Variants in TRIO observed in about 807,000 individuals in gnomAD.
The protein encoded by TRIO is triple functional domain protein.
Under a neutral mutation model 351.9 loss-of-function variants are expected in TRIO, and 58 were observed. The ratio of observed to expected loss-of-function variants is 0.16; its 90% CI spans 0.13 to 0.21. TRIO has a LOEUF of 0.21. Among genes scored for constraint, TRIO ranks in the 10% least tolerant of loss-of-function variants. TRIO has a pLI of 1.00. For synonymous variants in TRIO, 1,758 were observed against 1,595.7 expected (o/e 1.10, Z -2.42); for missense variants, 3,201 against 4,027.8 (o/e 0.79, Z 5.56).
At chr5:14,463,587 A>T (rs1753993569) in intron 36 of TRIO, among the ~76,000 whole-genome samples, 1 of 151,816 alleles carries the variant, frequency 6.6e-6, no homozygotes, top group Non-Finnish European at 1.5e-5. Context: ...CAGAAAGGAA[A>T]CCTGCTCAGT....
At chr5:14,220,271 C>G (rs902773592) in intron 1 of TRIO, among the ~76,000 whole-genome samples, 5 of 152,068 alleles carry the variant, frequency 3.3e-5, no homozygotes, top group African/African-American at 1.2e-4. Flanking sequence ...GCAGTATGGA[C>G]CACACCTGTA....
chr5:14,395,791 A>G (rs1392847424), intron 28 of TRIO, among the ~76,000 whole-genome samples: 3 of 152,322 alleles, frequency 2.0e-5, no homozygotes, highest in African/African-American at 7.2e-5. Context: ...CTTGGCTGTA[A>G]TCCCAGCACT....
chr5:14,286,844 C>G lies in TRIO; in HGVS notation c.348-27C>G, dbSNP rs969807442. 6.2e-7 allele frequency: 1 copy of G among 1,602,844 alleles called. No homozygotes were observed. Among genetic ancestry groups the G allele is most frequent in the Non-Finnish European group, 8.5e-7 (1 of 1,174,306 alleles). ...CAGAGTGGCAAGAGATGTAACCCGT[C>G]TTCAGCCATGTTTTCTTTCTCTGCA... On this transcript the variant is annotated intron_variant, in intron 3 of 56. Coordinates refer to ENST00000344204, the MANE Select transcript of TRIO (RefSeq NM_007118.4). This position sits in a 1 kb window ranked among gnomAD's most constrained non-coding sequence, Gnocchi z 4.4.
At chr5:14,166,823 G>A (rs964762554) in intron 1 of TRIO, among the ~76,000 whole-genome samples, 1 of 152,128 alleles carries the variant, frequency 6.6e-6, no homozygotes, top group Non-Finnish European at 1.5e-5. Flanking sequence ...AAAGGGAGAC[G>A]GTAGATTCTT....
chr5:14,231,895 G>T, intron 1 of TRIO, among the ~76,000 whole-genome samples: 1 of 150,564 alleles, frequency 6.6e-6, no homozygotes, highest in African/African-American at 2.4e-5. Flanking sequence ...GCCATTTGAG[G>T]GGAATAAAAC....
intron 1 of TRIO, among the ~76,000 whole-genome samples, chr5:14,248,637 C>G (rs989746394): frequency 1.3e-5 from 2 of 152,186 alleles, no homozygotes; most frequent in African/African-American, 4.8e-5. Context: ...ACACAGGGCC[C>G]CCAAGTGCTG....
intron 1 of TRIO, among the ~76,000 whole-genome samples, chr5:14,192,901 T>C (rs1332798206): frequency 6.6e-6 from 1 of 152,256 alleles, no homozygotes; most frequent in Non-Finnish European, 1.5e-5. Context: ...ATAGTTTACT[T>C]TGAAGTTAAT....
intron 34 of TRIO, among the ~76,000 whole-genome samples, chr5:14,434,978 A>G (rs1467971460): frequency 6.6e-6 from 1 of 152,238 alleles, no homozygotes; most frequent in African/African-American, 2.4e-5. Context: ...CATGTTGGGC[A>G]AGAACAGCAC....
intron 11 of TRIO, among the ~76,000 whole-genome samples, chr5:14,348,883 C>A (rs185524313): frequency 6.0e-4 from 85 of 141,904 alleles, no homozygotes; most frequent in African/African-American, 2.2e-3. Flanking sequence ...TGCACATGAG[C>A]ATGTGTTTTT....
intron 3 of TRIO, among the ~76,000 whole-genome samples, chr5:14,285,989 G>A (rs1169686741): frequency 6.6e-6 from 1 of 152,128 alleles, no homozygotes; most frequent in Admixed American, 6.5e-5. Flanking sequence ...CTGTGTTTAA[G>A]GACACCTTAA....
chr5:14,190,983 AT>A (rs148997892), intron 1 of TRIO, among the ~76,000 whole-genome samples: 6,537 of 152,242 alleles, frequency 0.043, 483 homozygotes, highest in African/African-American at 0.15. Context: ...TGATATGTAT[AT>A]TATAATTAAT....
Position 14,462,898 on chromosome 5 carries a change from C to T in TRIO, c.5640C>T (p.Leu1880=), listed in dbSNP as rs1055755723. Residue 1880 remains leucine, a synonymous_variant, in exon 36 of 57, where the codon CTC becomes CTT. Coordinates refer to ENST00000344204, the MANE Select transcript of TRIO (RefSeq NM_007118.4). The part of the protein sequence containing the change: ...PPPMAIQQHS[L]LQPDSQDDKA... ...CCATGGCCATCCAGCAGCACAGCCT[C>T]CTCCAGCCAGACTCACAGGATGACA... 7 of 1,604,528 alleles carry T rather than the reference C, an allele frequency of 4.4e-6. No homozygotes were observed. The highest frequency in any genetic ancestry group is 1.7e-5 in the Admixed American group (1 of 58,566).
At chr5:14,329,035 TG>T (rs1581630696) in intron 9 of TRIO, among the ~76,000 whole-genome samples, 3 of 152,162 alleles carry the variant, frequency 2.0e-5, no homozygotes, top group Admixed American at 2.0e-4. Flanking sequence ...TGAAGGTCAG[TG>T]GTTTGGAGCA....
intron 46 of TRIO, among the ~76,000 whole-genome samples, chr5:14,484,187 T>C (rs1755749558): frequency 6.6e-6 from 1 of 152,220 alleles, no homozygotes; most frequent in Non-Finnish European, 1.5e-5. Context: ...TCCAGCACTG[T>C]AGGAATTTCG....
intron 2 of TRIO, 37 bp downstream of exon 2, chr5:14,270,936 C>T (rs1218170203): frequency 6.9e-7 from 1 of 1,452,136 alleles, no homozygotes; most frequent in Non-Finnish European, 9.6e-7. Flanking sequence ...TATCCAACTG[C>T]TCTGACACAA....
chr5:14,204,283 G>A (rs935253751), intron 1 of TRIO, among the ~76,000 whole-genome samples: 6 of 152,214 alleles, frequency 3.9e-5, no homozygotes, highest in African/African-American at 1.2e-4. Flanking sequence ...TGAGAGAGGA[G>A]TGGAGGGTGC....
rs146858353 is a variant in TRIO at position 14,221,271 on chromosome 5, A to G, written c.158-49554A>G. ...ACTGATGCTCATTGACAATACACCT[A>G]GTCACCCAAGAGCTCTTGTGTAGAT... is the stretch of plus-strand genomic sequence containing the variant. On this transcript the variant is annotated intron_variant, in intron 1 of 56. Coordinates refer to ENST00000344204, the MANE Select transcript of TRIO (RefSeq NM_007118.4). Among the ~76,000 whole-genome samples, 55 of 152,280 alleles carry G rather than the reference A, an allele frequency of 3.6e-4. No individual in the cohort carries two copies. The East Asian group carries it at 9.4e-3, about 26-fold the overall frequency.
Position 14,481,261 on chromosome 5 carries a change from A to T in TRIO, c.6364A>T (p.Ser2122Cys). ...CTTCCTCAAGTATTCCAAAAAGGCCAGCCTGGATACATCAGAATTAGAGGT... is the reference window on the plus strand; with the variant it reads ...CTTCCTCAAGTATTCCAAAAAGGCCTGCCTGGATACATCAGAATTAGAGGT... ...KDFLKYSKKA[S>C]LDTSELERAV... Residue 2122 changes from serine (S) to cysteine (C), a missense_variant, in exon 44 of 57, where the codon AGC becomes TGC. This residue lies in a region of TRIO where 307 missense variants were observed against 396.5 expected (regional missense o/e 0.77). Transcript: ENST00000344204. 3 of 1,614,108 alleles carry T rather than the reference A, an allele frequency of 1.9e-6. No individual in the cohort carries two copies. Among genetic ancestry groups the T allele is most frequent in the Non-Finnish European group, 2.5e-6 (3 of 1,180,008 alleles).
At chr5:14,157,010 A>G (rs1204283158) in intron 1 of TRIO, among the ~76,000 whole-genome samples, 1 of 152,222 alleles carries the variant, frequency 6.6e-6, no homozygotes, top group Non-Finnish European at 1.5e-5. Flanking sequence ...CTTCATCTCA[A>G]TGTACAAATT....
Sources: gnomAD v4.1 joint callset for allele counts (sites outside exome capture counted in the v4.1 genomes callset) on GRCh38, gnomAD v4.1.1 for gene constraint, gnomAD v4.1.1 regional missense constraint, Gnocchi (gnomAD v3.1) non-coding constraint, MANE v1.5 for transcripts, NCBI Gene and HGNC (gene_info 2026-07-23, HGNC 2026-07-21) for gene names.